The following PDRG1 variants were observed in gnomAD, a reference collection of about 807,000 sequenced individuals.
PDRG1 encodes the protein p53 and DNA damage regulated 1, also known as p53 and DNA damage-regulated protein 1.
PDRG1 carries 14 observed loss-of-function variants against 18.4 expected under a neutral mutation model. The ratio of observed to expected loss-of-function variants is 0.76; its 90% CI spans 0.50 to 1.19. The LOEUF (loss-of-function observed/expected upper bound fraction) is 1.19. PDRG1 is among the 50% of genes most tolerant of loss of function. The pLI, the probability that PDRG1 is intolerant of heterozygous loss-of-function variation, is 0.00. For missense variants in PDRG1, 177 were observed against 160.1 expected (o/e 1.11, Z -0.57); for synonymous variants, 65 against 60.9 (o/e 1.07, Z -0.31).
chr20:31,950,772 G>A (rs2064346964), intron 1 of PDRG1, among the ~76,000 whole-genome samples: 1 of 152,118 alleles, frequency 6.6e-6, no homozygotes, highest in Non-Finnish European at 1.5e-5. Flanking sequence ...CTAGTAATAT[G>A]AGAAACCCAA....
At chr20:31,947,311 T>G (rs1218177084) in intron 3 of PDRG1, among the ~76,000 whole-genome samples, 5 of 152,238 alleles carry the variant, frequency 3.3e-5, no homozygotes, top group Non-Finnish European at 7.3e-5. Context: ...CTGGTTCTAT[T>G]TCTCATTGTG....
At position 31,950,404 on chromosome 20, in the gene PDRG1, C is replaced by T. The variant is rs201307468; in HGVS notation, c.88-17G>A. On this transcript the variant is annotated splice_polypyrimidine_tract_variant and intron_variant, in intron 1 of 4. Transcript: ENST00000202017. Reference sequence around the variant, plus strand: ...GTCCACAATCTGAAAACCACAGGGACAGGAGGGAACTCAGCTATCTCTTGC... The same window carrying T: ...GTCCACAATCTGAAAACCACAGGGATAGGAGGGAACTCAGCTATCTCTTGC... 96 of 1,590,398 alleles carry T rather than the reference C, an allele frequency of 6.0e-5. No homozygotes were observed. In the African/African-American group the frequency reaches 1.2e-3, roughly 19 times the overall value.
chr20:31,945,062 T>A lies in PDRG1; in HGVS notation c.*745A>T, dbSNP rs1443106272. ...ACCTCAGACCACTGAAGGCAGACAG[T>A]AACGAGCAGTGCTGGCCGGGCCCCA... On this transcript the variant is annotated 3_prime_UTR_variant, in exon 5 of 5. Transcript: ENST00000202017. 2 of 152,222 alleles carry A rather than the reference T, an allele frequency of 1.3e-5. No individual in the cohort carries two copies. The highest frequency in any genetic ancestry group is 4.8e-5 in the African/African-American group (2 of 41,460). 9.4% of individuals were successfully genotyped at this position (152,222 alleles called of 1,614,324 possible). A position where few individuals can be genotyped will look rare whatever the true frequency, so the allele number is the denominator to read the frequency against.
chr20:31,950,251 A>C, intron 2 of PDRG1, 61 bp downstream of exon 2: 62 of 1,194,084 alleles, frequency 5.2e-5, no homozygotes, highest in Non-Finnish European at 7.4e-5. Flanking sequence ...GGAACAAGGT[A>C]AAGGCCTTAA....
In PDRG1 at chr20:31,945,182, C is replaced by G. The variant is rs1471065443; in HGVS notation, c.*625G>C. Reference sequence around the variant, plus strand: ...CTGGTGCAGGACTCTGCAAGGCCCTCCTGAGTAAAGAGTGGCCACGAAGGG... The same window carrying G: ...CTGGTGCAGGACTCTGCAAGGCCCTGCTGAGTAAAGAGTGGCCACGAAGGG... On this transcript the variant is annotated 3_prime_UTR_variant, in exon 5 of 5. Coordinates refer to ENST00000202017, the MANE Select transcript of PDRG1 (RefSeq NM_030815.3). 7 of 152,532 alleles carry G rather than the reference C, an allele frequency of 4.6e-5. No homozygotes were observed. Among genetic ancestry groups the G allele is most frequent in the African/African-American group, 1.7e-4 (7 of 41,428 alleles). The allele number at this position is 152,532 out of a possible 1,614,324, so 9.4% of individuals were successfully genotyped here. A position where few individuals can be genotyped will look rare whatever the true frequency, so the allele number is the denominator to read the frequency against.
intron 2 of PDRG1, 113 bp downstream of exon 2, chr20:31,950,199 G>A: frequency 1.2e-6 from 1 of 853,572 alleles, no homozygotes; most frequent in Non-Finnish European, 1.9e-6. Context: ...TTTCCCACAA[G>A]GCTGAGTTAT....
chr20:31,946,677 T>C (rs1047633390), intron 3 of PDRG1, 101 bp from the exon 4 acceptor site: 2 of 1,069,386 alleles, frequency 1.9e-6, no homozygotes, highest in Non-Finnish European at 2.8e-6. Context: ...GCGTGTAGCT[T>C]TCAGGAAGGA....
At chr20:31,947,801 A>T (rs2064328247) in intron 3 of PDRG1, among the ~76,000 whole-genome samples, 1 of 152,172 alleles carries the variant, frequency 6.6e-6, no homozygotes, top group South Asian at 2.1e-4. Context: ...GAGGCAGGAG[A>T]ATTGCTTGAA....
chr20:31,946,899 T>C (rs1164956246), intron 3 of PDRG1, among the ~76,000 whole-genome samples: 1 of 152,100 alleles, frequency 6.6e-6, no homozygotes, highest in Non-Finnish European at 1.5e-5. Flanking sequence ...TTATGGAAAA[T>C]TCAAATGCAC....
Position 31,951,893 on chromosome 20 carries a change from CA to C in PDRG1, c.68del (p.Val23GlyfsTer22). 1 of 1,588,290 alleles carries C rather than the reference CA, an allele frequency of 6.3e-7. No homozygotes were observed. The highest frequency in any genetic ancestry group is 8.6e-7 in the Non-Finnish European group (1 of 1,168,664). ...LVEVEELAEE[V>X]LADKRQIVDL... is the part of the protein sequence containing the mutation. ...CTCTCACCTGCCGCTTGTCCGCCAG[CA>C]CCTCCTCGGCGAGCTCCTCCACTTC... On this transcript the variant is annotated frameshift_variant, in exon 1 of 5. Coordinates refer to ENST00000202017, the MANE Select transcript of PDRG1 (RefSeq NM_030815.3). LOFTEE classifies it high-confidence loss of function.
At position 31,951,995 on chromosome 20, in the gene PDRG1, G is replaced by A. The variant is rs375178507; in HGVS notation, c.-34C>T. 1.7e-5 allele frequency: 26 copies of A among 1,507,776 alleles called. No homozygotes were observed. The highest frequency in any genetic ancestry group is 8.0e-5 in the East Asian group (3 of 37,348). The allele number at this position is 1,507,776 out of a possible 1,614,324, so 93.4% of individuals were successfully genotyped here. A position where few individuals can be genotyped will look rare whatever the true frequency, so the allele number is the denominator to read the frequency against. ...CCAACTCCGCTTGCGGCTCTCGCGC[G>A]ACCCCGGGATCTCCGCTTCGACTCC... is the stretch of plus-strand genomic sequence containing the variant. On this transcript the variant is annotated 5_prime_UTR_variant, in exon 1 of 5. Coordinates refer to ENST00000202017, the MANE Select transcript of PDRG1 (RefSeq NM_030815.3).
rs2064311956 is a variant in PDRG1 at position 31,945,795 on chromosome 20, G to C, written c.*12C>G. ...TGGGGGGTTGCTGGTCCCCCATCTT[G>C]GTTCTTGAGTCTCATCCTTTCAAGA... is the stretch of plus-strand genomic sequence containing the variant. On this transcript the variant is annotated 3_prime_UTR_variant, in exon 5 of 5. Coordinates refer to ENST00000202017, the MANE Select transcript of PDRG1 (RefSeq NM_030815.3). The C allele has an allele frequency of 1.2e-6, 2 of 1,609,430 alleles. No homozygotes were observed. Among genetic ancestry groups the C allele is most frequent in the African/African-American group, 2.7e-5 (2 of 74,822 alleles).
chr20:31,948,736 C>T (rs1366777326), intron 3 of PDRG1, 72 bp downstream of exon 3: 2 of 1,401,192 alleles, frequency 1.4e-6, no homozygotes, highest in Admixed American at 4.2e-5. Context: ...AAGCCTGACT[C>T]CCTGTTCTGG....
chr20:31,947,599 T>G (rs935336763), intron 3 of PDRG1, among the ~76,000 whole-genome samples: 1 of 152,226 alleles, frequency 6.6e-6, no homozygotes, highest in African/African-American at 2.4e-5. Context: ...TTAGTAGTTT[T>G]ATGTCACTGG....
chr20:31,946,521 C>T lies in PDRG1; in HGVS notation c.294G>A (p.Lys98=). ...IEKLRKQLKV[K]VNRLFEAQGK... ...CTTGGGCCTCAAAAAGGCGGTTGAC[C>T]TTCACTTTAAGTTGCTTCCGCAGTT... The change falls in exon 4 of 5, where the codon AAG becomes AAA. Residue 98 remains lysine, a synonymous_variant. Coordinates refer to ENST00000202017, the MANE Select transcript of PDRG1 (RefSeq NM_030815.3). 6.2e-7 allele frequency: 1 copy of T among 1,613,134 alleles called. No homozygotes were observed. The highest frequency in any genetic ancestry group is 8.5e-7 in the Non-Finnish European group (1 of 1,179,138).
At chr20:31,947,812 C>T (rs1387841428) in intron 3 of PDRG1, among the ~76,000 whole-genome samples, 1 of 152,090 alleles carries the variant, frequency 6.6e-6, no homozygotes, top group Non-Finnish European at 1.5e-5. Flanking sequence ...ATTGCTTGAA[C>T]CTGGGAGGCA....
chr20:31,946,644 A>T, intron 3 of PDRG1, 68 bp from the exon 4 acceptor site: 1 of 1,390,192 alleles, frequency 7.2e-7, no homozygotes, highest in Non-Finnish European at 1.0e-6. Context: ...AGTAGTGGAG[A>T]GGCCAGCCTC....
At chr20:31,951,741 C>T in intron 1 of PDRG1, 134 bp downstream of exon 1, 1 of 892,582 alleles carries the variant, frequency 1.1e-6, no homozygotes, top group Non-Finnish European at 1.6e-6. Context: ...CACTTAGTAG[C>T]GGCCGAATAT....
rs1021245572 is a variant in PDRG1 at position 31,944,718 on chromosome 20, C to G, written c.*1089G>C. On this transcript the variant is annotated 3_prime_UTR_variant, in exon 5 of 5. Transcript: ENST00000202017. Reference sequence around the variant, plus strand: ...ACTTCACAACCCATATGTCTAGCTTCTCTTGAAAACACGTAAGAACTGGCC... The same window carrying G: ...ACTTCACAACCCATATGTCTAGCTTGTCTTGAAAACACGTAAGAACTGGCC... 1 of 152,240 alleles carries G rather than the reference C, an allele frequency of 6.6e-6. No homozygotes were observed. Among genetic ancestry groups the G allele is most frequent in the African/African-American group, 2.4e-5 (1 of 41,464 alleles). 9.4% of individuals were successfully genotyped at this position (152,240 alleles called of 1,614,324 possible).
Sources: allele counts gnomAD v4.1 joint callset (sites outside exome capture counted in the v4.1 genomes callset), GRCh38; gene constraint gnomAD v4.1.1; transcripts MANE v1.5; gene names NCBI Gene and HGNC (gene_info 2026-07-23, HGNC 2026-07-21).